FUT9: variants seen among roughly 807,000 people sequenced by gnomAD.
FUT9 encodes 4-galactosyl-N-acetylglucosaminide 3-alpha-L-fucosyltransferase 9.
Under a neutral mutation model 29.7 loss-of-function variants are expected in FUT9, and 15 were observed. The ratio of observed to expected loss-of-function variants is 0.51; its 90% CI spans 0.34 to 0.78. The LOEUF (loss-of-function observed/expected upper bound fraction) is 0.78, where lower values mean the gene tolerates loss of function less well. FUT9 is among the 30% of genes least tolerant of loss of function. The pLI is 0.01. For missense variants in FUT9, 319 were observed against 425.4 expected, an observed-to-expected ratio of 0.75 and a Z score of 2.20; for synonymous variants, 169 against 153.7, an observed-to-expected ratio of 1.10 and a Z score of -0.74.
intron 2 of FUT9, among the ~76,000 whole-genome samples, chr6:96,191,636 G>A (rs980077046): frequency 2.3e-4 from 35 of 152,222 alleles, no homozygotes; most frequent in African/African-American, 7.2e-4. Context: ...CTTCACAGCC[G>A]AATTCTATCA....
intron 2 of FUT9, among the ~76,000 whole-genome samples, chr6:96,202,237 C>T (rs1247672204): frequency 6.6e-6 from 1 of 152,026 alleles, no homozygotes; most frequent in Non-Finnish European, 1.5e-5. Context: ...AGCCTTCACT[C>T]ATCTTTTTAG....
intron 2 of FUT9, among the ~76,000 whole-genome samples, chr6:96,193,928 T>C (rs1049946331): frequency 1.3e-5 from 2 of 152,110 alleles, no homozygotes; most frequent in African/African-American, 2.4e-5. Context: ...TTGGAAACCA[T>C]CATTCTCAGC....
rs1326349268 is a variant in FUT9 at position 96,205,049 on chromosome 6, TAAC to T, written c.*817_*819del. The stretch of plus-strand genomic sequence containing the variant: ...TAATAAAACAAATAATTTCCTCAAA[TAAC>T]AAAGAAAAATGATACCTATAAATAT... On this transcript the variant is annotated 3_prime_UTR_variant, in exon 3 of 3. Transcript: ENST00000302103. 6.0e-6 allele frequency: 1 copy of T among 166,356 alleles called. No individual in the cohort carries two copies. Among genetic ancestry groups the T allele is most frequent in the African/African-American group, 2.4e-5 (1 of 41,420 alleles). 10.3% of individuals were successfully genotyped at this position (166,356 alleles called of 1,614,324 possible).
rs972496021 is a variant in FUT9 at position 96,204,864 on chromosome 6, A to C, written c.*629A>C. On this transcript the variant is annotated 3_prime_UTR_variant, in exon 3 of 3. Transcript: ENST00000302103. ...TTAGACTTCTCATTTATTTTCATTA[A>C]GCTGATTTGCAGCTACTTATTCTCA... The C allele has an allele frequency of 6.0e-6, 1 of 165,678 alleles. No individual in the cohort carries two copies. The highest frequency in any genetic ancestry group is 1.5e-5 in the Non-Finnish European group (1 of 68,076). The allele number at this position is 165,678 out of a possible 1,614,324, so 10.3% of individuals were successfully genotyped here.
rs527757449 is a variant in FUT9, at chr6:96,073,822, A to G, written c.-97-40217A>G. 2.1e-4 allele frequency among the ~76,000 whole-genome samples: 32 copies of G among 152,284 alleles called. 1 individual carries two copies. The highest frequency in any genetic ancestry group is 2.0e-3 in the Admixed American group (30 of 15,290). ...CCTCTCATTAGCTGTGTAACCTTGT[A>G]CAACCCTCATCCTGACACAACATCT... On this transcript the variant is annotated intron_variant, in intron 1 of 2. Coordinates refer to ENST00000302103, the MANE Select transcript of FUT9 (RefSeq NM_006581.4).
At chr6:96,186,993 T>A (rs1308501268) in intron 2 of FUT9, among the ~76,000 whole-genome samples, 1 of 152,096 alleles carries the variant, frequency 6.6e-6, no homozygotes, top group Non-Finnish European at 1.5e-5. Flanking sequence ...AGGCATCCCA[T>A]GGCCCAAGCA....
At position 96,212,389 on chromosome 6, in the gene FUT9, G is replaced by T; in HGVS notation, c.*8154G>T. 2.4e-6 allele frequency: 1 copy of T among 412,320 alleles called. No individual in the cohort carries two copies. Among genetic ancestry groups the T allele is most frequent in the South Asian group, 1.3e-4 (1 of 7,840 alleles). The allele number at this position is 412,320 out of a possible 1,614,324, so 25.5% of individuals were successfully genotyped here. The stretch of plus-strand genomic sequence containing the variant: ...CCTCAAGAGTCCTTAAGCAAATGAA[G>T]ATTATCTGATTGTCTATGTAAACCT... On this transcript the variant is annotated 3_prime_UTR_variant, in exon 3 of 3. Coordinates refer to ENST00000302103, the MANE Select transcript of FUT9 (RefSeq NM_006581.4).
At chr6:96,192,402 C>A in intron 2 of FUT9, among the ~76,000 whole-genome samples, 1 of 152,050 alleles carries the variant, frequency 6.6e-6, no homozygotes, top group East Asian at 1.9e-4. Flanking sequence ...TTCCTATACA[C>A]CAATAACTGA....
At chr6:96,096,936 A>T (rs1416036317) in intron 1 of FUT9, among the ~76,000 whole-genome samples, 1 of 152,092 alleles carries the variant, frequency 6.6e-6, no homozygotes, top group Admixed American at 6.6e-5. Context: ...CTGTTCACTG[A>T]ATATCTCTGG....
intron 2 of FUT9, among the ~76,000 whole-genome samples, chr6:96,188,253 TG>T (rs1773439832): frequency 6.6e-6 from 1 of 151,850 alleles, no homozygotes; most frequent in Admixed American, 6.6e-5. Context: ...CTCTCTCTTT[TG>T]TGTGTGTGTG....
intron 1 of FUT9, among the ~76,000 whole-genome samples, chr6:96,053,369 A>G (rs1263828735): frequency 6.6e-6 from 1 of 152,182 alleles, no homozygotes; most frequent in Non-Finnish European, 1.5e-5. Context: ...CAATGAAAAA[A>G]AACTCCAACA....
At chr6:96,127,058 A>G (rs528631172) in intron 2 of FUT9, among the ~76,000 whole-genome samples, 72 of 152,320 alleles carry the variant, frequency 4.7e-4, no homozygotes, top group African/African-American at 1.7e-3. Context: ...TTGGAGGTCC[A>G]GGGGTACACG....
intron 2 of FUT9, among the ~76,000 whole-genome samples, chr6:96,179,370 G>A (rs1351810127): frequency 6.6e-6 from 1 of 152,098 alleles, no homozygotes; most frequent in Non-Finnish European, 1.5e-5. Flanking sequence ...TGGTTTAATA[G>A]GGGAGAAACA....
chr6:96,117,407 A>C (rs79087011), intron 2 of FUT9, among the ~76,000 whole-genome samples: 6,168 of 152,288 alleles, frequency 0.041, 173 homozygotes, highest in South Asian at 0.12. Context: ...TAGATACAGA[A>C]ATGGGTCTAC....
At chr6:96,087,885 G>T (rs1218814801) in intron 1 of FUT9, among the ~76,000 whole-genome samples, 1 of 152,036 alleles carries the variant, frequency 6.6e-6, no homozygotes. Context: ...TCTTCTGAAG[G>T]GCTTCCTTTA....
At chr6:96,110,931 G>A (rs1055400588) in intron 1 of FUT9, among the ~76,000 whole-genome samples, 11 of 152,006 alleles carry the variant, frequency 7.2e-5, no homozygotes, top group Admixed American at 2.0e-4. Context: ...CCAAAGTACT[G>A]GGATTACAGG....
At position 96,132,800 on chromosome 6, in the gene FUT9, A is replaced by C. The variant is rs186411706; in HGVS notation, c.-9+18673A>C. Reference sequence around the variant, plus strand: ...TAACAGTTCCTATAAGCTTTCCTAAAACATTTATGAAGTATAATTGCCCAA... The same window carrying C: ...TAACAGTTCCTATAAGCTTTCCTAACACATTTATGAAGTATAATTGCCCAA... On this transcript the variant is annotated intron_variant, in intron 2 of 2. Coordinates refer to ENST00000302103, the MANE Select transcript of FUT9 (RefSeq NM_006581.4). 1.5e-3 allele frequency among the ~76,000 whole-genome samples: 232 copies of C among 152,238 alleles called. 2 individuals are homozygous for C. The highest frequency in any genetic ancestry group is 5.4e-3 in the African/African-American group (223 of 41,556).
chr6:96,092,613 C>T (rs1771429351), intron 1 of FUT9, among the ~76,000 whole-genome samples: 1 of 152,114 alleles, frequency 6.6e-6, no homozygotes, highest in South Asian at 2.1e-4. Context: ...TGTCTTGTCA[C>T]AACTCACAAT....
At chr6:96,188,989 A>G (rs972157573) in intron 2 of FUT9, among the ~76,000 whole-genome samples, 2 of 152,086 alleles carry the variant, frequency 1.3e-5, no homozygotes, top group African/African-American at 4.8e-5. Context: ...TCGTATACTC[A>G]CACAAATCTA....
Sources: gnomAD v4.1 joint callset for allele counts (sites outside exome capture counted in the v4.1 genomes callset) on GRCh38, gnomAD v4.1.1 for gene constraint, MANE v1.5 for transcripts, NCBI Gene and HGNC (gene_info 2026-07-23, HGNC 2026-07-21) for gene names.